CDKAL1: variants seen among roughly 807,000 people sequenced by gnomAD.
The protein encoded by CDKAL1 is CDKAL1 threonylcarbamoyladenosine tRNA methylthiotransferase.
A neutral mutation model predicts 68.2 loss-of-function variants in CDKAL1; 32 were observed. The ratio of observed to expected loss-of-function variants is 0.47; its 90% CI spans 0.35 to 0.63. CDKAL1 has a LOEUF of 0.63. Among genes scored for constraint, CDKAL1 ranks in the 30% least tolerant of loss-of-function variants. The pLI is 0.00. For synonymous variants in CDKAL1, 234 were observed against 244.3 expected, an observed-to-expected ratio of 0.96 and a Z score of 0.39; for missense variants, 606 against 696.7, an observed-to-expected ratio of 0.87 and a Z score of 1.47.
At chr6:20,815,567 A>G (rs1238645155) in intron 8 of CDKAL1, among the ~76,000 whole-genome samples, 2 of 148,686 alleles carry the variant, frequency 1.3e-5, no homozygotes, top group East Asian at 3.9e-4. Context: ...CTAATTTTTC[A>G]TGTTTTTTTC....
chr6:20,936,432 A>G (rs1345600093), intron 9 of CDKAL1, among the ~76,000 whole-genome samples: 1 of 150,302 alleles, frequency 6.7e-6, no homozygotes, highest in African/African-American at 2.4e-5. Context: ...TTGTATTTTT[A>G]GTAGAGACGG....
At chr6:21,108,280 T>TAAAAAAAAA (rs77019216) in intron 12 of CDKAL1, 121 bp from the exon 13 acceptor site, 1 of 443,090 alleles carries the variant, frequency 2.3e-6, no homozygotes. Flanking sequence ...AAGAATCTCT[T>TAAAAAAAAA]AAAAAAAAAA....
intron 6 of CDKAL1, among the ~76,000 whole-genome samples, chr6:20,757,810 T>G (rs1774288073): frequency 1.3e-5 from 2 of 152,248 alleles, no homozygotes; most frequent in African/African-American, 4.8e-5. Context: ...ATTTAAGGAC[T>G]TTTAAAGAAG....
intron 8 of CDKAL1, among the ~76,000 whole-genome samples, chr6:20,790,566 CT>C (rs1460327211): frequency 1.3e-5 from 2 of 152,190 alleles, no homozygotes; most frequent in Non-Finnish European, 2.9e-5. Flanking sequence ...GTGATGCCCC[CT>C]GATCCAGGCC....
At chr6:20,870,143 A>G (rs1002018128) in intron 9 of CDKAL1, among the ~76,000 whole-genome samples, 2 of 152,180 alleles carry the variant, frequency 1.3e-5, no homozygotes, top group Non-Finnish European at 2.9e-5. Flanking sequence ...TCCAAACACT[A>G]CATGAATGCT....
chr6:21,144,582 A>G (rs1776071487), intron 13 of CDKAL1, among the ~76,000 whole-genome samples: 1 of 151,158 alleles, frequency 6.6e-6, no homozygotes, highest in Non-Finnish European at 1.5e-5. Flanking sequence ...ACCAGGAGTT[A>G]GAGATCAGCC....
intron 13 of CDKAL1, among the ~76,000 whole-genome samples, chr6:21,188,335 T>G (rs943120165): frequency 9.9e-5 from 15 of 152,234 alleles, no homozygotes; most frequent in Admixed American, 2.0e-4. Flanking sequence ...TTTTGTGGCT[T>G]CTTCTTTTTC....
chr6:21,219,315 T>C (rs1230622447), intron 15 of CDKAL1, among the ~76,000 whole-genome samples: 2 of 152,208 alleles, frequency 1.3e-5, no homozygotes, highest in African/African-American at 2.4e-5. Flanking sequence ...TGATATCTAA[T>C]ACAATGCCTA....
intron 9 of CDKAL1, among the ~76,000 whole-genome samples, chr6:20,902,957 T>C (rs1762073076): frequency 6.6e-6 from 1 of 152,160 alleles, no homozygotes; most frequent in African/African-American, 2.4e-5. Flanking sequence ...GTCTTCTACT[T>C]GGGCTGTCAC....
At chr6:20,544,855 CCTT>C (rs1763532786) in intron 2 of CDKAL1, among the ~76,000 whole-genome samples, 1 of 151,906 alleles carries the variant, frequency 6.6e-6, no homozygotes, top group Admixed American at 6.6e-5. Flanking sequence ...CCCTCCAGGT[CCTT>C]CTCTGATTCT....
At chr6:20,536,267 C>A (rs1054526504) in intron 2 of CDKAL1, among the ~76,000 whole-genome samples, 1 of 151,972 alleles carries the variant, frequency 6.6e-6, no homozygotes, top group African/African-American at 2.4e-5. Context: ...ATCTGTTTTT[C>A]CTTTTGTTGC....
chr6:20,939,405 T>TA (rs1379257385), intron 9 of CDKAL1, among the ~76,000 whole-genome samples: 2 of 152,178 alleles, frequency 1.3e-5, no homozygotes, highest in East Asian at 1.9e-4. Context: ...ACTGGGGAGT[T>TA]AGAGAATACA....
At chr6:20,851,768 A>G (rs1056797812) in intron 9 of CDKAL1, among the ~76,000 whole-genome samples, 2 of 151,734 alleles carry the variant, frequency 1.3e-5, no homozygotes, top group Non-Finnish European at 2.9e-5. Flanking sequence ...ACTATCTAGT[A>G]TGTATAAGAT....
intron 12 of CDKAL1, among the ~76,000 whole-genome samples, chr6:21,072,554 CAAAAAAAAAAAAAAA>C (rs71540611): frequency 2.2e-5 from 1 of 44,484 alleles, no homozygotes; most frequent in African/African-American, 8.5e-5. Flanking sequence ...GACTCCGTCT[CAAAAAAAAAAAAAAA>C]AAAAAAAAAA....
chr6:21,174,489 T>C (rs1305479381), intron 13 of CDKAL1, among the ~76,000 whole-genome samples: 1 of 151,916 alleles, frequency 6.6e-6, no homozygotes, highest in Non-Finnish European at 1.5e-5. Context: ...AACAGAAAAA[T>C]GGACAAAGAG....
intron 4 of CDKAL1, among the ~76,000 whole-genome samples, chr6:20,610,280 C>T (rs1766560386): frequency 6.6e-6 from 1 of 152,052 alleles, no homozygotes; most frequent in African/African-American, 2.4e-5. Flanking sequence ...TTTATATTTC[C>T]ATGGATATCT....
intron 12 of CDKAL1, among the ~76,000 whole-genome samples, chr6:21,092,371 GCCCCACA>G (rs1773082955): frequency 6.6e-6 from 1 of 151,310 alleles, no homozygotes; most frequent in Non-Finnish European, 1.5e-5. Context: ...TAGGTTTTAA[GCCCCACA>G]GGCATTAGGT....
intron 8 of CDKAL1, among the ~76,000 whole-genome samples, chr6:20,831,844 T>C (rs958977028): frequency 2.0e-5 from 3 of 152,204 alleles, no homozygotes; most frequent in African/African-American, 7.2e-5. Context: ...TTGCTTCAAA[T>C]GCTGAATGAA....
chr6:21,160,732 G>C (rs34844023), intron 13 of CDKAL1, among the ~76,000 whole-genome samples: 1 of 147,268 alleles, frequency 6.8e-6, no homozygotes, highest in African/African-American at 2.5e-5. Context: ...TTAATTTCTG[G>C]TATACGTGTG....
Sources: gnomAD v4.1 joint callset for allele counts (sites outside exome capture counted in the v4.1 genomes callset) on GRCh38, gnomAD v4.1.1 for gene constraint, MANE v1.5 for transcripts, NCBI Gene and HGNC (gene_info 2026-07-23, HGNC 2026-07-21) for gene names.